The following EML4 variants were observed in gnomAD, a reference collection of about 807,000 sequenced individuals.
The protein encoded by EML4 is EMAP like 4.
In EML4, 72 loss-of-function variants were observed where a neutral mutation model predicts 129.0. That is an observed-to-expected ratio of 0.56 (90% CI 0.46 to 0.68). The LOEUF (loss-of-function observed/expected upper bound fraction) is 0.68. Among genes scored for constraint, EML4 ranks in the 30% least tolerant of loss-of-function variants. EML4 has a pLI of 0.00. For synonymous variants in EML4, 532 were observed against 405.0 expected (o/e 1.31, Z -3.77); for missense variants, 1,363 against 1,190.6 (o/e 1.14, Z -2.13).
intron 1 of EML4, among the ~76,000 whole-genome samples, chr2:42,232,039 TA>T (rs1292665596): frequency 6.6e-6 from 1 of 152,194 alleles, no homozygotes; most frequent in Admixed American, 6.5e-5. Flanking sequence ...GAAAATTTTT[TA>T]TATACAGTAG....
intron 7 of EML4, among the ~76,000 whole-genome samples, chr2:42,282,419 G>A (rs901055437): frequency 6.6e-6 from 1 of 151,822 alleles, no homozygotes; most frequent in Non-Finnish European, 1.5e-5. Flanking sequence ...CGGCAACAGG[G>A]TCTCTGTGGC....
chr2:42,279,606 C>G (rs569441053), intron 6 of EML4, among the ~76,000 whole-genome samples: 273 of 152,038 alleles, frequency 1.8e-3, no homozygotes, highest in Non-Finnish European at 3.2e-3. Context: ...TACAGGTGCC[C>G]GCCATCATGC....
At chr2:42,294,334 C>T (rs1213094708) in intron 11 of EML4, among the ~76,000 whole-genome samples, 1 of 152,146 alleles carries the variant, frequency 6.6e-6, no homozygotes. Context: ...TCAGTAGTGA[C>T]CATTCTAAAT....
In EML4 at chr2:42,282,822, G is replaced by A. The variant is rs1667083998; in HGVS notation, c.792-1G>A. ...AAAACCTTGACTCTTTTTCTGTTAA[G>A]ATATGGTTATCGAGGAAAGGACTGT... On this transcript the variant is annotated splice_acceptor_variant, in intron 7 of 22. Coordinates refer to ENST00000318522, the MANE Select transcript of EML4 (RefSeq NM_019063.5). LOFTEE classifies it high-confidence loss of function. 1 of 1,609,676 alleles carries A rather than the reference G, an allele frequency of 6.2e-7. No individual in the cohort carries two copies. The highest frequency in any genetic ancestry group is 8.5e-7 in the Non-Finnish European group (1 of 1,178,470).
intron 1 of EML4, among the ~76,000 whole-genome samples, chr2:42,204,823 CCTAGTTAA>C (rs1414413698): frequency 6.6e-6 from 1 of 152,070 alleles, no homozygotes; most frequent in African/African-American, 2.4e-5. Context: ...TAGAGTTAGA[CCTAGTTAA>C]CTAGTTAACC....
chr2:42,324,232 T>C (rs1002792154), intron 19 of EML4, among the ~76,000 whole-genome samples: 4 of 152,022 alleles, frequency 2.6e-5, no homozygotes, highest in Admixed American at 6.6e-5. Context: ...GAGGTGGAGA[T>C]TGCAGTGAGC....
At chr2:42,281,984 C>G (rs953834400) in intron 7 of EML4, among the ~76,000 whole-genome samples, 3 of 152,210 alleles carry the variant, frequency 2.0e-5, no homozygotes, top group African/African-American at 4.8e-5. Context: ...AACAAACATT[C>G]TGCCTACCAA....
intron 21 of EML4, among the ~76,000 whole-genome samples, chr2:42,326,755 A>G (rs768022848): frequency 2.6e-5 from 4 of 152,094 alleles, no homozygotes; most frequent in Non-Finnish European, 5.9e-5. Flanking sequence ...GGTGACGTGC[A>G]CCTGTAATCC....
chr2:42,244,107 T>TGTG (rs201340749), intron 1 of EML4, among the ~76,000 whole-genome samples: 1 of 135,292 alleles, frequency 7.4e-6, no homozygotes, highest in African/African-American at 2.6e-5. Context: ...TTTTGTTTTT[T>TGTG]TTTTTTTTTT....
intron 8 of EML4, among the ~76,000 whole-genome samples, chr2:42,283,624 C>A (rs758573937): frequency 1.3e-5 from 2 of 152,018 alleles, no homozygotes; most frequent in Non-Finnish European, 2.9e-5. Context: ...ATGCTGGCAC[C>A]TGTATCTTTA....
rs147316565 is a variant in EML4, at chr2:42,330,195, G to A, written c.2934G>A (p.Ser978=). 58 of 1,612,426 alleles carry A rather than the reference G, an allele frequency of 3.6e-5. No homozygotes were observed. Among genetic ancestry groups the A allele is most frequent in the African/African-American group, 1.2e-4 (9 of 74,364 alleles). ...ATLLEDQQDP[S]PSS is the part of the protein sequence containing the mutation. ...TTCTGGAGGACCAGCAAGACCCTTC[G>A]CCCTCGTCCTAACACCCTGGCTTCA... The change falls in exon 23 of 23, where the codon TCG becomes TCA. Residue 978 remains serine, a synonymous_variant. Transcript: ENST00000318522.
At chr2:42,319,953 A>G (rs552145400) in intron 19 of EML4, 1 of 152,370 alleles carries the variant, frequency 6.6e-6, no homozygotes, top group East Asian at 1.9e-4. Context: ...TCTGTAAATT[A>G]TAAATGTCTC....
intron 6 of EML4, among the ~76,000 whole-genome samples, chr2:42,272,221 C>T (rs375620429): frequency 4.6e-5 from 7 of 152,132 alleles, no homozygotes; most frequent in South Asian, 2.1e-4. Context: ...GGAAGAGTTG[C>T]GGTTGATCAG....
In EML4 at chr2:42,330,420, T is replaced by C. The variant is rs1026260321; in HGVS notation, c.*213T>C. The C allele has an allele frequency of 3.1e-6, 2 of 636,044 alleles. No individual in the cohort carries two copies. Among genetic ancestry groups the C allele is most frequent in the African/African-American group, 1.8e-5 (1 of 55,470 alleles). The allele number at this position is 636,044 out of a possible 1,614,324, so 39.4% of individuals were successfully genotyped here. ...TTTATTGAAAATTAACCAAACTTAA[T>C]ACTAGGAGAAGACTGAATCATTAAT... On this transcript the variant is annotated 3_prime_UTR_variant, in exon 23 of 23. Transcript: ENST00000318522.
intron 21 of EML4, 76 bp from the exon 22 acceptor site, chr2:42,328,810 T>TA (rs1669943032): frequency 8.4e-7 from 1 of 1,193,872 alleles, no homozygotes; most frequent in Non-Finnish European, 1.2e-6. Flanking sequence ...GATTCTAAAA[T>TA]AAAATAAACA....
chr2:42,178,885 A>C (rs1400742474), intron 1 of EML4, among the ~76,000 whole-genome samples: 1 of 152,226 alleles, frequency 6.6e-6, no homozygotes, highest in Non-Finnish European at 1.5e-5. Context: ...TTAACTTTAA[A>C]ATTTATATGA....
At chr2:42,310,206 T>TA (rs1347106933) in intron 17 of EML4, among the ~76,000 whole-genome samples, 2 of 152,350 alleles carry the variant, frequency 1.3e-5, no homozygotes, top group East Asian at 3.9e-4. Flanking sequence ...TATCTGTGCT[T>TA]ATGCCAGTTA....
chr2:42,283,612 C>T (rs1667133227), intron 8 of EML4, among the ~76,000 whole-genome samples: 1 of 152,004 alleles, frequency 6.6e-6, no homozygotes, highest in Non-Finnish European at 1.5e-5. Flanking sequence ...TATGTCTGTA[C>T]TATGCTGGCA....
chr2:42,291,109 A>G (rs1489574711), intron 11 of EML4, among the ~76,000 whole-genome samples: 1 of 152,268 alleles, frequency 6.6e-6, no homozygotes, highest in Non-Finnish European at 1.5e-5. Context: ...TGCTTGACTT[A>G]TGCCAAAGGT....
Sources: gnomAD v4.1 joint callset for allele counts (sites outside exome capture counted in the v4.1 genomes callset) on GRCh38, gnomAD v4.1.1 for gene constraint, MANE v1.5 for transcripts, NCBI Gene and HGNC (gene_info 2026-07-23, HGNC 2026-07-21) for gene names.